The following TBL1XR1 variants were observed in gnomAD, a reference collection of about 807,000 sequenced individuals.
The protein encoded by TBL1XR1 is TBL1X/Y related 1.
Under a neutral mutation model 66.9 loss-of-function variants are expected in TBL1XR1, and 5 were observed. The ratio of observed to expected loss-of-function variants is 0.07; its 90% CI spans 0.04 to 0.16. The LOEUF is 0.16. Among genes scored for constraint, TBL1XR1 ranks in the 10% least tolerant of loss-of-function variants. The pLI is 1.00. For synonymous variants in TBL1XR1, 210 were observed against 206.0 expected, an observed-to-expected ratio of 1.02 and a Z score of -0.17; for missense variants, 238 against 623.2, an observed-to-expected ratio of 0.38 and a Z score of 6.58.
intron 1 of TBL1XR1, among the ~76,000 whole-genome samples, chr3:177,145,773 G>A (rs1438954740): frequency 1.3e-5 from 2 of 152,218 alleles, no homozygotes; most frequent in African/African-American, 2.4e-5. Context: ...TATCAGAGTA[G>A]ATTAACCCTC....
intron 2 of TBL1XR1, among the ~76,000 whole-genome samples, chr3:177,067,228 T>C (rs1719282977): frequency 6.6e-6 from 1 of 152,236 alleles, no homozygotes. Context: ...TAAATCATAA[T>C]TTGATCAATC....
chr3:177,088,535 T>C (rs747190974), intron 2 of TBL1XR1, among the ~76,000 whole-genome samples: 2 of 152,204 alleles, frequency 1.3e-5, no homozygotes, highest in African/African-American at 2.4e-5. Context: ...ATGCTCAACC[T>C]GTGTAAAGAT....
At chr3:177,190,754 C>T (rs1213413041) in intron 1 of TBL1XR1, among the ~76,000 whole-genome samples, 3 of 152,214 alleles carry the variant, frequency 2.0e-5, no homozygotes, top group Admixed American at 2.0e-4. Context: ...AAAGAAGATG[C>T]TGCCACATTA....
At chr3:177,196,913 G>A (rs1017504369) in intron 1 of TBL1XR1, among the ~76,000 whole-genome samples, 4 of 151,638 alleles carry the variant, frequency 2.6e-5, no homozygotes, top group African/African-American at 4.8e-5. Flanking sequence ...CCTGAGAGAG[G>A]AAAACGGGGG....
chr3:177,082,215 CA>C (rs1324148398), intron 2 of TBL1XR1, among the ~76,000 whole-genome samples: 1 of 151,566 alleles, frequency 6.6e-6, no homozygotes, highest in East Asian at 1.9e-4. Flanking sequence ...GTGATTTAAA[CA>C]AAAAAATTAT....
At chr3:177,163,342 A>T (rs1379121790) in intron 1 of TBL1XR1, among the ~76,000 whole-genome samples, 1 of 152,080 alleles carries the variant, frequency 6.6e-6, no homozygotes, top group African/African-American at 2.4e-5. Flanking sequence ...CCCCGTCTCT[A>T]CTCAAAATAC....
At chr3:177,033,400 C>G (rs573424333) in intron 13 of TBL1XR1, among the ~76,000 whole-genome samples, 1 of 152,256 alleles carries the variant, frequency 6.6e-6, no homozygotes, top group African/African-American at 2.4e-5. Context: ...AGGAATCTCC[C>G]AAGTCCAGGA....
chr3:177,090,095 T>C (rs1047469065), intron 2 of TBL1XR1, among the ~76,000 whole-genome samples: 1 of 152,216 alleles, frequency 6.6e-6, no homozygotes, highest in Admixed American at 6.5e-5. Flanking sequence ...ACTTCCACTC[T>C]TGAAACAGCT....
chr3:177,154,541 C>T (rs561423017), intron 1 of TBL1XR1, among the ~76,000 whole-genome samples: 56 of 152,138 alleles, frequency 3.7e-4, no homozygotes, highest in Non-Finnish European at 7.5e-4. Context: ...GGATTACAGA[C>T]GCCCACCACC....
rs553686470 is a variant in TBL1XR1 at position 177,049,914 on chromosome 3, T to C, written c.702+83A>G. ...AATAAAACCCCAAATTCTGAACAAA[T>C]AGACAAACCCTGCCGTGAGTATGAG... On this transcript the variant is annotated intron_variant, in intron 7 of 15. Coordinates refer to ENST00000457928, the MANE Select transcript of TBL1XR1 (RefSeq NM_024665.7). The C allele has an allele frequency of 4.6e-5, 69 of 1,484,008 alleles. No homozygotes were observed. In the East Asian group the frequency reaches 4.7e-4, roughly 10 times the overall value. The allele number at this position is 1,484,008 out of a possible 1,614,324, so 91.9% of individuals were successfully genotyped here.
intron 2 of TBL1XR1, among the ~76,000 whole-genome samples, chr3:177,097,163 C>T (rs564987577): frequency 4.6e-5 from 7 of 152,160 alleles, no homozygotes; most frequent in Admixed American, 1.3e-4. Context: ...GTTTTTCTTT[C>T]AGACTGATAC....
chr3:177,165,316 T>C (rs917070428), intron 1 of TBL1XR1, among the ~76,000 whole-genome samples: 2 of 152,178 alleles, frequency 1.3e-5, no homozygotes, highest in African/African-American at 2.4e-5. Flanking sequence ...ATAAGATCTA[T>C]ATGAAGAAAG....
chr3:177,097,212 T>C (rs1025402559), intron 2 of TBL1XR1, among the ~76,000 whole-genome samples: 5 of 152,220 alleles, frequency 3.3e-5, no homozygotes, highest in African/African-American at 1.2e-4. Flanking sequence ...CAATCAGTTT[T>C]TATGCCTCCC....
intron 1 of TBL1XR1, among the ~76,000 whole-genome samples, chr3:177,125,538 A>G (rs1324912693): frequency 6.6e-6 from 1 of 152,218 alleles, no homozygotes; most frequent in African/African-American, 2.4e-5. Context: ...CAGGATTTTA[A>G]AAAACATTTA....
intron 1 of TBL1XR1, among the ~76,000 whole-genome samples, chr3:177,170,797 G>A (rs1267900269): frequency 1.3e-5 from 2 of 151,888 alleles, no homozygotes; most frequent in African/African-American, 4.8e-5. Context: ...TTGAGACGAG[G>A]TCTCGCCATG....
At chr3:177,162,799 T>A (rs2108894675) in intron 1 of TBL1XR1, among the ~76,000 whole-genome samples, 1 of 152,288 alleles carries the variant, frequency 6.6e-6, no homozygotes, top group South Asian at 2.1e-4. Flanking sequence ...ATGACTTAAA[T>A]ATACAAAAAG....
At chr3:177,146,309 G>A (rs1730231937) in intron 1 of TBL1XR1, among the ~76,000 whole-genome samples, 1 of 151,836 alleles carries the variant, frequency 6.6e-6, no homozygotes, top group South Asian at 2.1e-4. Context: ...TTTTGAGATG[G>A]GAGTTTTGCT....
At chr3:177,062,177 G>A (rs1417045172) in intron 3 of TBL1XR1, among the ~76,000 whole-genome samples, 6 of 152,156 alleles carry the variant, frequency 3.9e-5, no homozygotes, top group Admixed American at 3.9e-4. Context: ...TTCAGTGGCA[G>A]CCCCTCTTTA....
chr3:177,083,602 A>G (rs1406447250), intron 2 of TBL1XR1, among the ~76,000 whole-genome samples: 3 of 152,222 alleles, frequency 2.0e-5, no homozygotes, highest in Non-Finnish European at 4.4e-5. Flanking sequence ...ACATTTTACT[A>G]TGAAAATTTT....
Sources: allele counts gnomAD v4.1 joint callset (sites outside exome capture counted in the v4.1 genomes callset), GRCh38; gene constraint gnomAD v4.1.1; transcripts MANE v1.5; gene names NCBI Gene and HGNC (gene_info 2026-07-23, HGNC 2026-07-21).